Variants in OPN4 observed in about 807,000 individuals in gnomAD.
The protein encoded by OPN4 is opsin 4.
OPN4 carries 43 observed loss-of-function variants against 49.5 expected under a neutral mutation model. The observed-to-expected ratio is 0.87, with a 90% CI of 0.68 to 1.12. The LOEUF (loss-of-function observed/expected upper bound fraction) is 1.12. OPN4 is among the 50% of genes most tolerant of loss of function. OPN4 has a pLI of 0.00. For missense variants in OPN4, 657 were observed against 643.9 expected, an observed-to-expected ratio of 1.02 and a Z score of -0.22; for synonymous variants, 263 against 258.0, an observed-to-expected ratio of 1.02 and a Z score of -0.19.
intron 8 of OPN4, among the ~76,000 whole-genome samples, chr10:86,662,663 G>A (rs2803551): frequency 0.13 from 20,340 of 152,306 alleles, 1,465 homozygotes; most frequent in African/African-American, 0.16. Flanking sequence ...GGGGTTCCCA[G>A]GAGCGGGGCC....
intron 7 of OPN4, 103 bp downstream of exon 7, chr10:86,661,491 G>T: frequency 1.2e-6 from 1 of 823,920 alleles, no homozygotes; most frequent in South Asian, 1.7e-5. Flanking sequence ...TGTGTAGAAT[G>T]GGGGCCACCA....
At chr10:86,665,612 C>A in intron 9 of OPN4, 101 bp from the exon 10 acceptor site, 1 of 966,252 alleles carries the variant, frequency 1.0e-6, no homozygotes, top group Admixed American at 1.9e-5. Context: ...TTCCATGCAA[C>A]CTCCCCCACT....
chr10:86,659,532 G>A, intron 5 of OPN4, 64 bp downstream of exon 5: 1 of 1,560,520 alleles, frequency 6.4e-7, no homozygotes, highest in Non-Finnish European at 8.6e-7. Flanking sequence ...GGCGGCCCCT[G>A]CCCCACCACT....
chr10:86,661,189 A>G lies in OPN4; in HGVS notation c.966-92A>G, dbSNP rs867759960. The G allele has an allele frequency of 1.4e-4, 137 of 999,650 alleles. No individual in the cohort carries two copies. The African/African-American group carries it at 2.0e-3, about 15-fold the overall frequency. The allele number at this position is 999,650 out of a possible 1,614,324, so 61.9% of individuals were successfully genotyped here. A position where few individuals can be genotyped will look rare whatever the true frequency, so the allele number is the denominator to read the frequency against. On this transcript the variant is annotated intron_variant, in intron 6 of 9. Coordinates refer to ENST00000241891, the MANE Select transcript of OPN4 (RefSeq NM_033282.4). ...ACTTAGCTGTGCTGGTTTGGGCTGG[A>G]TTAGGATTTGGGCTTTGGCAGGGCC...
At chr10:86,655,691 C>G (rs1843845860) in intron 1 of OPN4, among the ~76,000 whole-genome samples, 1 of 152,206 alleles carries the variant, frequency 6.6e-6, no homozygotes, top group African/African-American at 2.4e-5. Flanking sequence ...CTCTAAGGCT[C>G]AGTAGGGGAC....
chr10:86,659,608 G>T (rs1046044397), intron 5 of OPN4, 140 bp downstream of exon 5: 3 of 1,239,820 alleles, frequency 2.4e-6, no homozygotes, highest in Non-Finnish European at 3.3e-6. Context: ...GTGCTTATGG[G>T]GCAGCAGTGT....
rs769471417 is a variant in OPN4, at chr10:86,661,314, G to C, written c.999G>C (p.Ser333=). 3 of 1,613,930 alleles carry C rather than the reference G, an allele frequency of 1.9e-6. No homozygotes were observed. Among genetic ancestry groups the C allele is most frequent in the Non-Finnish European group, 2.5e-6 (3 of 1,179,992 alleles). Residue 333 remains serine (S), a synonymous_variant, in exon 7 of 10, where the codon TCG becomes TCC. Transcript: ENST00000241891. Reference sequence around the variant, plus strand: ...ACGTCCTGACACCCTACATGAGCTCGGTGCCAGCCGTCATCGCCAAGGCCT... The same window carrying C: ...ACGTCCTGACACCCTACATGAGCTCCGTGCCAGCCGTCATCGCCAAGGCCT... The part of the protein sequence containing the change: ...YAHVLTPYMS[S]VPAVIAKASA...
intron 1 of OPN4, 125 bp downstream of exon 1, chr10:86,655,052 A>T (rs1342043829): frequency 5.0e-6 from 5 of 1,008,096 alleles, no homozygotes; most frequent in Non-Finnish European, 7.1e-6. Context: ...TGGGGCCTTG[A>T]GCCATTACTG....
chr10:86,655,077 C>G (rs760648130), intron 1 of OPN4, 150 bp downstream of exon 1: 1 of 755,260 alleles, frequency 1.3e-6, no homozygotes, highest in Non-Finnish European at 2.1e-6. Flanking sequence ...TCTCTGAGCC[C>G]GCCCCTGATA....
chr10:86,659,581 G>A, intron 5 of OPN4, 113 bp downstream of exon 5: 1 of 1,407,030 alleles, frequency 7.1e-7, no homozygotes, highest in Non-Finnish European at 9.5e-7. Flanking sequence ...ACCAGTGGGT[G>A]AAGGCAAGCT....
chr10:86,663,221 C>T (rs1344275635), intron 8 of OPN4, among the ~76,000 whole-genome samples: 4 of 152,138 alleles, frequency 2.6e-5, no homozygotes, highest in Non-Finnish European at 4.4e-5. Flanking sequence ...GCAAGACTGC[C>T]GCCAACTGAC....
intron 1 of OPN4, 148 bp from the exon 2 acceptor site, chr10:86,656,007 A>G: frequency 1.0e-6 from 1 of 964,548 alleles, no homozygotes; most frequent in Non-Finnish European, 1.6e-6. Flanking sequence ...GCTTTTGGCC[A>G]CTTGTGAGCT....
chr10:86,659,826 C>A, intron 5 of OPN4, 69 bp from the exon 6 acceptor site: 2 of 1,522,988 alleles, frequency 1.3e-6, no homozygotes, highest in South Asian at 1.1e-5. Context: ...GGCTCCCCAA[C>A]AGCAGCCGTG....
At chr10:86,657,283 A>T (rs1193913320) in intron 2 of OPN4, 3 of 774,700 alleles carry the variant, frequency 3.9e-6, no homozygotes, top group Non-Finnish European at 7.2e-6. Flanking sequence ...AGTGCTGTGC[A>T]CCGGAGCAAG....
chr10:86,660,577 C>T (rs1219899854), intron 6 of OPN4, among the ~76,000 whole-genome samples: 1 of 152,100 alleles, frequency 6.6e-6, no homozygotes, highest in African/African-American at 2.4e-5. Context: ...ATGGCCTGGT[C>T]CCCCCAGGGC....
At chr10:86,659,185 G>A (rs1039344434) in intron 4 of OPN4, 112 bp from the exon 5 acceptor site, 1 of 817,290 alleles carries the variant, frequency 1.2e-6, no homozygotes, top group East Asian at 2.5e-5. Context: ...ACAGGGCCAG[G>A]TCAGGGCCAG....
chr10:86,661,529 G>T (rs1009020005), intron 7 of OPN4, 141 bp downstream of exon 7: 2 of 647,064 alleles, frequency 3.1e-6, no homozygotes, highest in East Asian at 2.7e-5. Flanking sequence ...ATGACACTGA[G>T]TGGGGTCTGG....
intron 5 of OPN4, 29 bp from the exon 6 acceptor site, chr10:86,659,866 G>A (rs1199408685): frequency 1.2e-6 from 2 of 1,611,898 alleles, no homozygotes; most frequent in South Asian, 1.1e-5. Flanking sequence ...CCCGACTAGG[G>A]TCAGACCTGG....
chr10:86,662,659 C>T (rs569166986), intron 8 of OPN4, among the ~76,000 whole-genome samples: 49 of 152,328 alleles, frequency 3.2e-4, no homozygotes, highest in Middle Eastern at 3.4e-3. Flanking sequence ...TTTGGGGGTT[C>T]CCAGGAGCGG....
Sources: allele counts gnomAD v4.1 joint callset (sites outside exome capture counted in the v4.1 genomes callset), GRCh38; gene constraint gnomAD v4.1.1; transcripts MANE v1.5; gene names NCBI Gene and HGNC (gene_info 2026-07-23, HGNC 2026-07-21).